The following NMRK2 variants were observed in gnomAD, a reference collection of about 807,000 sequenced individuals.
The protein encoded by NMRK2 is NRK 2.
NMRK2 carries 34 observed loss-of-function variants against 24.7 expected under a neutral mutation model. That is an observed-to-expected ratio of 1.37 (90% CI 1.05 to 1.83). The LOEUF is 1.83. Ranked by LOEUF, NMRK2 falls within the 40% of genes most tolerant of loss-of-function variation. The pLI is 0.00. For synonymous variants in NMRK2, 145 were observed against 125.6 expected (o/e 1.15, Z -1.03); for missense variants, 341 against 315.0 (o/e 1.08, Z -0.62).
Position 3,934,570 on chromosome 19 carries a change from G to A in NMRK2, c.26+873G>A, listed in dbSNP as rs533154993. Among the ~76,000 whole-genome samples the A allele has an allele frequency of 1.1e-3, 171 of 151,234 alleles. 3 individuals carry two copies. Among genetic ancestry groups the A allele is most frequent in the African/African-American group, 4.1e-3 (168 of 41,230 alleles). ...TTTTTTGGGGTTTTTTTTTTTGGGG[G>A]GGGGGTGTTGTTGTTGCCGTCGTAG... is the stretch of plus-strand genomic sequence containing the variant. On this transcript the variant is annotated intron_variant, in intron 2 of 7. Coordinates refer to ENST00000168977, the MANE Select transcript of NMRK2 (RefSeq NM_170678.3).
chr19:3,938,613 T>G lies in NMRK2; in HGVS notation c.177T>G (p.Ser59=). 6.3e-7 allele frequency: 1 copy of G among 1,587,570 alleles called. No individual in the cohort carries two copies. The change falls in exon 5 of 8, where the codon TCT becomes TCG. Residue 59 remains serine, a synonymous_variant. Transcript: ENST00000168977. ...CTCCCCTTTCCCCAGTGCTGGAGTC[T>G]CTGGACATGGAGGCCATGCTGGACA... ...DGFKQWDVLE[S]LDMEAMLDTV... is the part of the protein sequence containing the mutation.
rs183971645 is a variant in NMRK2, at chr19:3,938,590, C to T, written c.167-13C>T. 3.5e-5 allele frequency: 55 copies of T among 1,551,402 alleles called. No homozygotes were observed. The African/African-American group carries it at 6.5e-4, about 18-fold the overall frequency. ...GGTCTGCCCTCCTGCAATGCCTGCT[C>T]CCCTTTCCCCAGTGCTGGAGTCTCT... On this transcript the variant is annotated splice_polypyrimidine_tract_variant and intron_variant, in intron 4 of 7. Transcript: ENST00000168977.
intron 2 of NMRK2, among the ~76,000 whole-genome samples, chr19:3,934,691 C>T (rs1003216611): frequency 6.6e-6 from 1 of 151,904 alleles, no homozygotes; most frequent in Non-Finnish European, 1.5e-5. Context: ...AAGCAATTCT[C>T]CTGCCTCAGC....
chr19:3,939,921 C>T lies in NMRK2; in HGVS notation c.345C>T (p.Ser115=). The T allele has an allele frequency of 6.2e-7, 1 of 1,612,456 alleles. No homozygotes were observed. The highest frequency in any genetic ancestry group is 1.1e-5 in the South Asian group (1 of 91,046). Residue 115 remains serine (S), a synonymous_variant, in exon 6 of 8, where the codon AGC becomes AGT. Transcript: ENST00000168977. Reference sequence around the variant, plus strand: ...CCAGGCCCCTGGTGGACTTGTACAGCCGCCGGTACTTCCTGACCGTCCCGT... The same window carrying T: ...CCAGGCCCCTGGTGGACTTGTACAGTCGCCGGTACTTCCTGACCGTCCCGT... ...YSYKPLVDLY[S]RRYFLTVPYE...
intron 2 of NMRK2, 41 bp from the exon 3 acceptor site, chr19:3,936,534 G>T (rs565276519): frequency 4.8e-6 from 7 of 1,467,200 alleles, no homozygotes; most frequent in Admixed American, 2.2e-5. Flanking sequence ...GACCTTCTTG[G>T]GGGGAGCCCA....
intron 6 of NMRK2, 102 bp downstream of exon 6, chr19:3,940,073 A>G (rs1160864418): frequency 9.9e-7 from 1 of 1,014,810 alleles, no homozygotes; most frequent in African/African-American, 1.6e-5. Context: ...GGGGCTGGGC[A>G]CAGTGTCTCT....
intron 7 of NMRK2, among the ~76,000 whole-genome samples, chr19:3,941,536 A>G (rs2039333376): frequency 6.6e-6 from 1 of 151,440 alleles, no homozygotes; most frequent in Non-Finnish European, 1.5e-5. Context: ...TACAGGCGTG[A>G]ACCACTGCAG....
In NMRK2 at chr19:3,941,186, C is replaced by A; in HGVS notation, c.502+9C>A. On this transcript the variant is annotated intron_variant, in intron 7 of 7. Coordinates refer to ENST00000168977, the MANE Select transcript of NMRK2 (RefSeq NM_170678.3). ...CAACGGTGTGGAAGTGGGTAAGCCC[C>A]TGAGCATGACCAGGCCTTGCCCCGG... The A allele has an allele frequency of 7.1e-7, 1 of 1,415,110 alleles. No homozygotes were observed. The highest frequency in any genetic ancestry group is 9.7e-7 in the Non-Finnish European group (1 of 1,027,118). The allele number at this position is 1,415,110 out of a possible 1,614,324, so 87.7% of individuals were successfully genotyped here.
Position 3,933,618 on chromosome 19 carries a change from C to G in NMRK2, c.-54C>G. The G allele has an allele frequency of 6.6e-7, 1 of 1,514,412 alleles. No individual in the cohort carries two copies. The highest frequency in any genetic ancestry group is 8.8e-7 in the Non-Finnish European group (1 of 1,132,424). The allele number at this position is 1,514,412 out of a possible 1,614,324, so 93.8% of individuals were successfully genotyped here. ...CGCACTCCGGAGCGCACTGCGTGGT[C>G]GCACCCTACCCGGGCTGCCTTGGAA... On this transcript the variant is annotated 5_prime_UTR_variant, in exon 2 of 8. Transcript: ENST00000168977.
chr19:3,937,146 G>A, intron 3 of NMRK2, 94 bp from the exon 4 acceptor site: 4 of 1,276,258 alleles, frequency 3.1e-6, no homozygotes, highest in African/African-American at 1.5e-5. Flanking sequence ...GACCTCAGCA[G>A]CTCCAGCAAG....
Position 3,939,990 on chromosome 19 carries a change from G to A in NMRK2, c.395+19G>A. 6.2e-7 allele frequency: 1 copy of A among 1,608,434 alleles called. No individual in the cohort carries two copies. The highest frequency in any genetic ancestry group is 8.5e-7 in the Non-Finnish European group (1 of 1,175,422). ...GGAGAAGGTGCACTTGGTGTCTGGG[G>A]GTGCGGTGGGCTCCTGAGGGCCCTG... On this transcript the variant is annotated intron_variant, in intron 6 of 7. Coordinates refer to ENST00000168977, the MANE Select transcript of NMRK2 (RefSeq NM_170678.3).
chr19:3,936,640 T>A lies in NMRK2; in HGVS notation c.92T>A (p.Val31Glu), dbSNP rs1449263225. The change falls in exon 3 of 8, where the codon GTG becomes GAG. Residue 31 changes from valine (V) to glutamate (E), a missense_variant. Physicochemically the swap from Val to Glu is moderately radical, Grantham distance 121 (BLOSUM62 -2). Transcript: ENST00000168977. Reference sequence around the variant, plus strand: ...CTCAGAGCCCTGCCCAACTGCTGCGTGATCCATCAGGATGACTTCTTCAAG... The same window carrying A: ...CTCAGAGCCCTGCCCAACTGCTGCGAGATCCATCAGGATGACTTCTTCAAG... The part of the protein sequence containing the change: ...SLLRALPNCC[V>E]IHQDDFFKPQ... The A allele has an allele frequency of 6.4e-7, 1 of 1,572,136 alleles. No individual in the cohort carries two copies. The highest frequency in any genetic ancestry group is 8.6e-7 in the Non-Finnish European group (1 of 1,158,898).
In NMRK2 at chr19:3,942,063, C is replaced by T. The variant is rs566774723; in HGVS notation, c.503-20C>T. ...GCCCCCTTCCTCCCGGCAGCCCTGA[C>T]GCAGCCTTTCTGATTTCAGTCTACC... On this transcript the variant is annotated intron_variant, in intron 7 of 7. Transcript: ENST00000168977. 154 of 1,608,202 alleles carry T rather than the reference C, an allele frequency of 9.6e-5. No homozygotes were observed. Among genetic ancestry groups the T allele is most frequent in the South Asian group, 8.8e-4 (80 of 90,966 alleles).
At position 3,941,454 on chromosome 19, in the gene NMRK2, T is replaced by C. The variant is rs1359365643; in HGVS notation, c.502+277T>C. ...TATTAATAGAGACAGGGTTTCACCA[T>C]GTTGGCCAGGCTGGTCTCGAACTCC... On this transcript the variant is annotated intron_variant, in intron 7 of 7. Coordinates refer to ENST00000168977, the MANE Select transcript of NMRK2 (RefSeq NM_170678.3). Among the ~76,000 whole-genome samples the C allele has an allele frequency of 3.9e-5, 6 of 151,998 alleles. No homozygotes were observed. In the South Asian group the frequency reaches 6.2e-4, roughly 16 times the overall value.
At chr19:3,936,747 G>A (rs925468613) in intron 3 of NMRK2, 82 bp downstream of exon 3, 3 of 1,180,714 alleles carry the variant, frequency 2.5e-6, no homozygotes, top group Non-Finnish European at 3.6e-6. Context: ...GCCCTCCACT[G>A]CCCAGTGCCC....
rs550811360 is a variant in NMRK2 at position 3,936,758 on chromosome 19, G to C, written c.117+93G>C. ...CCCCGCCCTCCACTGCCCAGTGCCC[G>C]TGTGGGCTGGGCACTGGCTCCACTC... On this transcript the variant is annotated intron_variant, in intron 3 of 7. Coordinates refer to ENST00000168977, the MANE Select transcript of NMRK2 (RefSeq NM_170678.3). 6.8e-5 allele frequency: 72 copies of C among 1,054,338 alleles called. 2 individuals are homozygous for C. The South Asian group carries it at 1.0e-3, about 15-fold the overall frequency. 65.3% of individuals were successfully genotyped at this position (1,054,338 alleles called of 1,614,324 possible). A position where few individuals can be genotyped will look rare whatever the true frequency, so the allele number is the denominator to read the frequency against.
In NMRK2 at chr19:3,933,581, A is replaced by G. The variant is rs986640376; in HGVS notation, c.-91A>G. The stretch of plus-strand genomic sequence containing the variant: ...CCTATAAAGGCGCCAGGTTTTCTCA[A>G]TGAAGCCGGGACGCACTCCGGAGCG... On this transcript the variant is annotated 5_prime_UTR_variant, in exon 2 of 8. It removes an upstream start codon present in the reference 5' UTR. Coordinates refer to ENST00000168977, the MANE Select transcript of NMRK2 (RefSeq NM_170678.3). The G allele has an allele frequency of 2.8e-6, 4 of 1,454,418 alleles. No homozygotes were observed. The highest frequency in any genetic ancestry group is 2.2e-5 in the Admixed American group (1 of 44,568). The allele number at this position is 1,454,418 out of a possible 1,614,324, so 90.1% of individuals were successfully genotyped here.
At position 3,933,476 on chromosome 19, in the gene NMRK2, C is replaced by A. The variant is rs981612834; in HGVS notation, c.-196C>A. On this transcript the variant is annotated 5_prime_UTR_variant, in exon 2 of 8. Transcript: ENST00000168977. Reference sequence around the variant, plus strand: ...AAGGCAGCCTGGAGCTATTTCCATTCGGCGGCGGGAACAGGTGCCGGCGCC... The same window carrying A: ...AAGGCAGCCTGGAGCTATTTCCATTAGGCGGCGGGAACAGGTGCCGGCGCC... 1.1e-5 allele frequency: 6 copies of A among 541,778 alleles called. No homozygotes were observed. The highest frequency in any genetic ancestry group is 3.5e-5 in the East Asian group (1 of 28,582). The allele number at this position is 541,778 out of a possible 1,614,324, so 33.6% of individuals were successfully genotyped here. A position where few individuals can be genotyped will look rare whatever the true frequency, so the allele number is the denominator to read the frequency against.
At chr19:3,933,756 A>AG in intron 2 of NMRK2, 59 bp downstream of exon 2, 3 of 1,362,570 alleles carry the variant, frequency 2.2e-6, no homozygotes, top group Non-Finnish European at 2.8e-6. Flanking sequence ...GTGCGCGCAG[A>AG]GGGGGAGGCC....
Sources: gnomAD v4.1 joint callset for allele counts (sites outside exome capture counted in the v4.1 genomes callset) on GRCh38, gnomAD v4.1.1 for gene constraint, MANE v1.5 for transcripts, NCBI Gene and HGNC (gene_info 2026-07-23, HGNC 2026-07-21) for gene names.